ZHX2: variants seen among roughly 807,000 people sequenced by gnomAD.
ZHX2 encodes zinc fingers and homeoboxes protein 2.
In ZHX2, 6 loss-of-function variants were observed where a neutral mutation model predicts 21.9. That is an observed-to-expected ratio of 0.27 (90% CI 0.15 to 0.54). ZHX2 has a LOEUF of 0.54. ZHX2 is among the 20% of genes least tolerant of loss of function. The pLI is 0.95. For missense variants in ZHX2, 908 were observed against 1,090.7 expected, an observed-to-expected ratio of 0.83 and a Z score of 2.36; for synonymous variants, 434 against 437.1, an observed-to-expected ratio of 0.99 and a Z score of 0.09.
intron 2 of ZHX2, among the ~76,000 whole-genome samples, chr8:122,876,966 C>T (rs1819588940): frequency 6.6e-6 from 1 of 152,188 alleles, no homozygotes; most frequent in Admixed American, 6.5e-5. Context: ...ACAGGCTACT[C>T]TATGGTAACC....
intron 2 of ZHX2, among the ~76,000 whole-genome samples, chr8:122,889,762 T>A (rs1020533851): frequency 6.6e-6 from 1 of 152,178 alleles, no homozygotes; most frequent in Non-Finnish European, 1.5e-5. Context: ...AAAACCTGCA[T>A]ATTCCAAGGG....
chr8:122,952,541 C>A lies in ZHX2; in HGVS notation c.1031C>A (p.Thr344Asn). ...FNGTIQSVPPTITVLPAQLAP... is the reference protein window; with the variant it reads ...FNGTIQSVPPNITVLPAQLAP... ...GGCACCATCCAGTCAGTACCCCCGA[C>A]CATCACTGTGCTGCCCGCCCAGTTG... The change falls in exon 3 of 4, where the codon ACC becomes AAC. Residue 344 changes from threonine to asparagine, a missense_variant. Physicochemically the swap from Thr to Asn is moderately conservative, Grantham distance 65 (BLOSUM62 0). Transcript: ENST00000314393. This position sits in a 1 kb window ranked among gnomAD's most constrained non-coding sequence, Gnocchi z 6.9. 3 of 1,614,178 alleles carry A rather than the reference C, an allele frequency of 1.9e-6. No individual in the cohort carries two copies. The highest frequency in any genetic ancestry group is 2.2e-5 in the East Asian group (1 of 44,882).
chr8:122,834,623 T>G (rs1818456196), intron 1 of ZHX2, among the ~76,000 whole-genome samples: 1 of 152,184 alleles, frequency 6.6e-6, no homozygotes. Context: ...ATTTAGAAGG[T>G]CTCATTGTGG....
intron 1 of ZHX2, among the ~76,000 whole-genome samples, chr8:122,855,665 AAAG>A (rs1819008178): frequency 6.6e-6 from 1 of 152,212 alleles, no homozygotes; most frequent in African/African-American, 2.4e-5. Context: ...TTCTTTAAAA[AAAG>A]AAGTTTAGCG....
intron 2 of ZHX2, among the ~76,000 whole-genome samples, chr8:122,947,498 G>A (rs868113548): frequency 6.6e-6 from 1 of 152,126 alleles, no homozygotes; most frequent in Non-Finnish European, 1.5e-5. Flanking sequence ...TACCATATTG[G>A]GCAGAATGGT....
chr8:122,873,036 T>G (rs1819478629), intron 2 of ZHX2, among the ~76,000 whole-genome samples: 1 of 152,216 alleles, frequency 6.6e-6, no homozygotes, highest in Non-Finnish European at 1.5e-5. Context: ...GGGTGCACGG[T>G]GCCAACTGGC....
chr8:122,789,135 G>T (rs1438395626), intron 1 of ZHX2, among the ~76,000 whole-genome samples: 3 of 152,228 alleles, frequency 2.0e-5, no homozygotes, highest in Non-Finnish European at 2.9e-5. Flanking sequence ...GGGGAAGGGG[G>T]TGGAGGAAGC....
At chr8:122,966,130 C>G (rs1162300179) in intron 3 of ZHX2, among the ~76,000 whole-genome samples, 2 of 152,044 alleles carry the variant, frequency 1.3e-5, no homozygotes, top group South Asian at 2.1e-4. Flanking sequence ...TTAAACGGAG[C>G]CTTTAGGCCA....
chr8:122,941,982 G>A (rs576082375), intron 2 of ZHX2, among the ~76,000 whole-genome samples: 1 of 152,268 alleles, frequency 6.6e-6, no homozygotes, highest in African/African-American at 2.4e-5. Flanking sequence ...AAGATAAAAT[G>A]GAGAAAAATC....
At chr8:122,882,526 C>T (rs528484704) in intron 2 of ZHX2, among the ~76,000 whole-genome samples, 1 of 152,270 alleles carries the variant, frequency 6.6e-6, no homozygotes, top group African/African-American at 2.4e-5. Context: ...GACTTTGGGT[C>T]CCCTAGACTT....
intron 1 of ZHX2, among the ~76,000 whole-genome samples, chr8:122,792,112 T>G (rs1429019917): frequency 6.6e-6 from 1 of 152,172 alleles, no homozygotes; most frequent in Non-Finnish European, 1.5e-5. Context: ...GTGTACCCAT[T>G]AGCAGTTACT....
intron 2 of ZHX2, among the ~76,000 whole-genome samples, chr8:122,936,724 G>A (rs1048523382): frequency 2.0e-5 from 3 of 152,182 alleles, no homozygotes; most frequent in Admixed American, 6.5e-5. Context: ...ACATCATCAG[G>A]ACTGGTTCTC....
intron 2 of ZHX2, among the ~76,000 whole-genome samples, chr8:122,878,776 A>C (rs1341848987): frequency 6.6e-6 from 1 of 152,170 alleles, no homozygotes; most frequent in Admixed American, 6.5e-5. Context: ...TGTTTCTAGA[A>C]GTCTGCTTGA....
chr8:122,907,167 A>G (rs1336162988), intron 2 of ZHX2, among the ~76,000 whole-genome samples: 1 of 152,196 alleles, frequency 6.6e-6, no homozygotes, highest in Non-Finnish European at 1.5e-5. Context: ...AATTTTGCCA[A>G]GGTTGAGGCA....
At chr8:122,963,887 CTTTG>C (rs1198799279) in intron 3 of ZHX2, among the ~76,000 whole-genome samples, 4 of 149,512 alleles carry the variant, frequency 2.7e-5, no homozygotes, top group South Asian at 2.1e-4. Context: ...GTTGTTGTTT[CTTTG>C]TTTGTTTGTT....
rs540315326 is a variant in ZHX2 at position 122,960,860 on chromosome 8, AT to A, written c.*4+6833del. 2.2e-3 allele frequency among the ~76,000 whole-genome samples: 337 copies of A among 152,322 alleles called. 1 individual carries two copies. Among genetic ancestry groups the A allele is most frequent in the Non-Finnish European group, 4.0e-3 (273 of 68,024 alleles). ...TGTCCATAACCCTAGAGAAAGTTTG[AT>A]GCCCTCTGAGCTACTCAAGGAAGGA... On this transcript the variant is annotated intron_variant, in intron 3 of 3. Transcript: ENST00000314393.
intron 1 of ZHX2, among the ~76,000 whole-genome samples, chr8:122,787,088 G>GGTGTGTGTGTGTGTGTGTGT (rs35726514): frequency 1.3e-5 from 2 of 148,452 alleles, no homozygotes; most frequent in African/African-American, 5.0e-5. Context: ...GATTGGCAGT[G>GGTGTGTGTGTGTGTGTGTGT]GTGTGTGTGT....
chr8:122,961,992 T>C (rs562382143), intron 3 of ZHX2, among the ~76,000 whole-genome samples: 1 of 152,090 alleles, frequency 6.6e-6, no homozygotes, highest in East Asian at 1.9e-4. Flanking sequence ...TGCCAGTGGG[T>C]GTTAATTGCA....
chr8:122,959,050 T>C (rs965783051), intron 3 of ZHX2, among the ~76,000 whole-genome samples: 1 of 152,176 alleles, frequency 6.6e-6, no homozygotes, highest in Non-Finnish European at 1.5e-5. Context: ...CCAACCTACA[T>C]GTGCAAGCCA....
Sources: gnomAD v4.1 joint callset for allele counts (sites outside exome capture counted in the v4.1 genomes callset) on GRCh38, gnomAD v4.1.1 for gene constraint, Gnocchi (gnomAD v3.1) non-coding constraint, MANE v1.5 for transcripts, NCBI Gene and HGNC (gene_info 2026-07-23, HGNC 2026-07-21) for gene names.